COL5A2: variants seen among roughly 807,000 people sequenced by gnomAD.
COL5A2 encodes the protein collagen alpha-2(V) chain.
In COL5A2, 23 loss-of-function variants were observed where a neutral mutation model predicts 208.2. The observed-to-expected ratio is 0.11, with a 90% CI of 0.08 to 0.16. The LOEUF is 0.16. Among genes scored for constraint, COL5A2 ranks in the 10% least tolerant of loss-of-function variants. The pLI, the probability that COL5A2 is intolerant of heterozygous loss-of-function variation, is 1.00. For synonymous variants in COL5A2, 625 were observed against 628.5 expected (o/e 0.99, Z 0.08); for missense variants, 1,590 against 1,956.4 (o/e 0.81, Z 3.53).
intron 1 of COL5A2, among the ~76,000 whole-genome samples, chr2:189,203,300 T>G (rs1314244949): frequency 1.3e-5 from 2 of 152,174 alleles, no homozygotes; most frequent in Non-Finnish European, 2.9e-5. Context: ...GAACTCTAAC[T>G]TATAATCAAC....
At chr2:189,397,428 T>A in the COL5A2 span, among the ~76,000 whole-genome samples, 7 of 152,184 alleles carry the variant, frequency 4.6e-5, no homozygotes, top group Non-Finnish European at 5.9e-5. Context: ...TGAGCACTGC[T>A]GTGAACCAGA....
chr2:189,395,308 G>A, the COL5A2 span, among the ~76,000 whole-genome samples: 1 of 152,144 alleles, frequency 6.6e-6, no homozygotes. Flanking sequence ...ATAGGAAAAT[G>A]CATAGTATGA....
chr2:189,218,130 G>A (rs1576589011), intron 1 of COL5A2, among the ~76,000 whole-genome samples: 2 of 152,198 alleles, frequency 1.3e-5, no homozygotes, highest in South Asian at 4.1e-4. Context: ...TGAGGTGTTT[G>A]ATGAGACTTT....
intron 16 of COL5A2, among the ~76,000 whole-genome samples, chr2:189,076,639 G>C (rs949638893): frequency 6.6e-6 from 1 of 152,066 alleles, no homozygotes; most frequent in Admixed American, 6.6e-5. Context: ...TGAATATCAG[G>C]CCAAGCACAG....
the COL5A2 span, among the ~76,000 whole-genome samples, chr2:189,379,909 T>C: frequency 1.3e-5 from 2 of 152,176 alleles, no homozygotes; most frequent in Non-Finnish European, 2.9e-5. Flanking sequence ...GGGTATTCCC[T>C]GAATGGACTC....
At position 189,050,638 on chromosome 2, in the gene COL5A2, C is replaced by A. The variant is rs933589600; in HGVS notation, c.2970G>T (p.Gly990=). ...DGPPGPAGTT[G]QRGIVGMPGQ... is the part of the protein sequence containing the mutation. ...CAGGCATGCCAACAATTCCTCTCTG[C>A]CCGGTCGTTCCAGCTGGACCAGGGG... is the stretch of plus-strand genomic sequence containing the variant. The change falls in exon 43 of 54, where the codon GGG becomes GGT. Residue 990 remains glycine (G), a synonymous_variant. Transcript: ENST00000374866. 6.4e-7 allele frequency: 1 copy of A among 1,552,582 alleles called. No homozygotes were observed. The highest frequency in any genetic ancestry group is 8.7e-7 in the Non-Finnish European group (1 of 1,147,422).
chr2:189,401,805 A>T, the COL5A2 span, among the ~76,000 whole-genome samples: 1 of 151,984 alleles, frequency 6.6e-6, no homozygotes, highest in African/African-American at 2.4e-5. Flanking sequence ...TTTGATTTGC[A>T]TTTCTCTAAT....
the COL5A2 span, among the ~76,000 whole-genome samples, chr2:189,316,966 C>T: frequency 1.3e-5 from 2 of 152,064 alleles, no homozygotes; most frequent in African/African-American, 4.8e-5. Flanking sequence ...GCTTATCTCA[C>T]ATTGCATGCC....
At chr2:189,246,383 A>T in the COL5A2 span, among the ~76,000 whole-genome samples, 1 of 152,256 alleles carries the variant, frequency 6.6e-6, no homozygotes, top group Non-Finnish European at 1.5e-5. Context: ...TCTTTGGGAC[A>T]TTATACTTCT....
At chr2:189,103,759 CTGTT>C (rs757145228) in intron 3 of COL5A2, among the ~76,000 whole-genome samples, 4 of 152,114 alleles carry the variant, frequency 2.6e-5, no homozygotes, top group Non-Finnish European at 5.9e-5. Flanking sequence ...GAAGAAATGT[CTGTT>C]TGGTAAAATG....
At chr2:189,199,454 C>T (rs1357686063) in intron 1 of COL5A2, among the ~76,000 whole-genome samples, 1 of 152,050 alleles carries the variant, frequency 6.6e-6, no homozygotes, top group East Asian at 1.9e-4. Flanking sequence ...ATAAAAATGT[C>T]CATCATACTT....
the COL5A2 span, among the ~76,000 whole-genome samples, chr2:189,398,230 GTT>G: frequency 1.5e-4 from 23 of 152,196 alleles, no homozygotes; most frequent in African/African-American, 5.3e-4. Context: ...TATGGAAAAT[GTT>G]TTATATAAGT....
intron 1 of COL5A2, among the ~76,000 whole-genome samples, chr2:189,137,388 T>C (rs1274333701): frequency 6.6e-6 from 1 of 152,224 alleles, no homozygotes; most frequent in African/African-American, 2.4e-5. Flanking sequence ...AGTCATTTTG[T>C]ACAAGTAGCA....
At chr2:189,249,329 G>A in the COL5A2 span, among the ~76,000 whole-genome samples, 1 of 152,104 alleles carries the variant, frequency 6.6e-6, no homozygotes, top group Non-Finnish European at 1.5e-5. Flanking sequence ...TTCTCCAGTT[G>A]GTCTTGAAGT....
the COL5A2 span, among the ~76,000 whole-genome samples, chr2:189,328,321 A>T: frequency 1.3e-5 from 2 of 152,022 alleles, no homozygotes; most frequent in African/African-American, 4.8e-5. Context: ...CAAAAGTTAC[A>T]AGTCCAAAGT....
chr2:189,422,251 G>A, the COL5A2 span, among the ~76,000 whole-genome samples: 43 of 151,966 alleles, frequency 2.8e-4, no homozygotes, highest in East Asian at 7.6e-3. Context: ...AGGAAACTTG[G>A]CAAACTTTAG....
chr2:189,113,489 T>C lies in COL5A2; in HGVS notation c.98-3040A>G, dbSNP rs867533980. Among the ~76,000 whole-genome samples the C allele has an allele frequency of 4.0e-5, 6 of 151,454 alleles. No individual in the cohort carries two copies. In the South Asian group the frequency reaches 1.3e-3, roughly 32 times the overall value. On this transcript the variant is annotated intron_variant, in intron 1 of 53. Coordinates refer to ENST00000374866, the MANE Select transcript of COL5A2 (RefSeq NM_000393.5). ...TGTTCCTTTCTGTCCTCAAAATATATATTATTGTGGAGTATTATATATATT... is the reference window on the plus strand; with the variant it reads ...TGTTCCTTTCTGTCCTCAAAATATACATTATTGTGGAGTATTATATATATT...
intron 1 of COL5A2, among the ~76,000 whole-genome samples, chr2:189,207,848 T>A (rs958208535): frequency 3.9e-5 from 6 of 152,174 alleles, no homozygotes; most frequent in African/African-American, 1.2e-4. Context: ...TGCTAATCCA[T>A]CCTTTTGAAT....
chr2:189,081,062 T>G lies in COL5A2; in HGVS notation c.853-19A>C. ...GAGCTCCCTGGGAGGAAAACATAGA[T>G]AGGGCATTTTACAGTCATTAATAAG... On this transcript the variant is annotated intron_variant, in intron 12 of 53. Transcript: ENST00000374866. 3 of 1,609,804 alleles carry G rather than the reference T, an allele frequency of 1.9e-6. No homozygotes were observed. Among genetic ancestry groups the G allele is most frequent in the Non-Finnish European group, 2.6e-6 (3 of 1,176,310 alleles).
Sources: gnomAD v4.1 joint callset for allele counts (sites outside exome capture counted in the v4.1 genomes callset) on GRCh38, gnomAD v4.1.1 for gene constraint, MANE v1.5 for transcripts, NCBI Gene and HGNC (gene_info 2026-07-23, HGNC 2026-07-21) for gene names.